The following AOPEP variants were observed in gnomAD, a reference collection of about 807,000 sequenced individuals.
AOPEP encodes aminopeptidase O.
A neutral mutation model predicts 98.1 loss-of-function variants in AOPEP; 77 were observed. The observed-to-expected ratio is 0.78, with a 90% CI of 0.65 to 0.95. The LOEUF is 0.95. Ranked by LOEUF, AOPEP falls within the 40% of genes least tolerant of loss-of-function variation. The pLI is 0.00. For missense variants in AOPEP, 1,024 were observed against 1,024.7 expected, an observed-to-expected ratio of 1.00 and a Z score of 0.01; for synonymous variants, 346 against 365.3, an observed-to-expected ratio of 0.95 and a Z score of 0.60.
chr9:94,895,235 AAAAT>A, intron 5 of AOPEP, among the ~76,000 whole-genome samples: 1 of 22,292 alleles, frequency 4.5e-5, no homozygotes, highest in South Asian at 1.9e-3. Context: ...AAAATAAAAT[AAAAT>A]AAAAAAAAAA....
intron 10 of AOPEP, among the ~76,000 whole-genome samples, chr9:94,976,623 G>A (rs2138605889): frequency 6.6e-6 from 1 of 150,864 alleles, no homozygotes; most frequent in East Asian, 1.9e-4. Context: ...TGGGAAAGGT[G>A]GAGACTTGTT....
intron 5 of AOPEP, among the ~76,000 whole-genome samples, chr9:94,898,999 C>T (rs971817129): frequency 4.3e-4 from 65 of 151,888 alleles, no homozygotes; most frequent in Non-Finnish European, 8.4e-4. Context: ...GGGAGAAGCT[C>T]CTTGGTATAA....
intron 3 of AOPEP, among the ~76,000 whole-genome samples, chr9:94,788,202 G>T (rs994549595): frequency 6.6e-6 from 1 of 151,898 alleles, no homozygotes; most frequent in African/African-American, 2.4e-5. Context: ...TCCCAAGTAC[G>T]TGGGATCACA....
At chr9:95,026,226 G>A (rs1651695596) in intron 13 of AOPEP, among the ~76,000 whole-genome samples, 2 of 152,078 alleles carry the variant, frequency 1.3e-5, no homozygotes, top group Non-Finnish European at 1.5e-5. Flanking sequence ...CGTAATTTAC[G>A]TGCCATAAAC....
At chr9:94,885,160 G>A (rs574277861) in intron 5 of AOPEP, among the ~76,000 whole-genome samples, 29 of 151,676 alleles carry the variant, frequency 1.9e-4, no homozygotes, top group African/African-American at 7.0e-4. Context: ...ACTAGCCTAG[G>A]CAACATGGAG....
chr9:95,089,907 C>T (rs769549442), downstream of AOPEP, among the ~76,000 whole-genome samples: 4 of 152,240 alleles, frequency 2.6e-5, no homozygotes, highest in Non-Finnish European at 4.4e-5. Flanking sequence ...AACAAGCCAG[C>T]GCCTCCACTG....
the AOPEP span, chr9:95,100,477 TACAC>T: frequency 4.3e-6 from 1 of 231,648 alleles, no homozygotes; most frequent in Non-Finnish European, 8.5e-6. Context: ...CTCAGACTAA[TACAC>T]ACAAATCAAA....
chr9:95,082,533 C>G (rs763947604), intron 15 of AOPEP, 42 bp from the exon 16 acceptor site: 12 of 1,606,364 alleles, frequency 7.5e-6, no homozygotes, highest in South Asian at 1.1e-5. Flanking sequence ...GTGTGGGTAC[C>G]CACACCTTCG....
chr9:95,115,681 A>T, the AOPEP span, among the ~76,000 whole-genome samples: 1 of 152,232 alleles, frequency 6.6e-6, no homozygotes, highest in African/African-American at 2.4e-5. Flanking sequence ...CGAACACACA[A>T]GGAAGGTAAG....
chr9:95,145,795 C>T, the AOPEP span, among the ~76,000 whole-genome samples: 2 of 152,158 alleles, frequency 1.3e-5, no homozygotes, highest in African/African-American at 2.4e-5. Flanking sequence ...GCTCCAGAGG[C>T]ACGCACCCTT....
At chr9:94,762,812 G>GT (rs1838665999) in intron 2 of AOPEP, among the ~76,000 whole-genome samples, 1 of 152,106 alleles carries the variant, frequency 6.6e-6, no homozygotes, top group African/African-American at 2.4e-5. Context: ...GTAACTGTTT[G>GT]GATATGTTAA....
intron 5 of AOPEP, among the ~76,000 whole-genome samples, chr9:94,842,416 A>G (rs936118457): frequency 4.6e-5 from 7 of 152,166 alleles, no homozygotes; most frequent in Non-Finnish European, 8.8e-5. Context: ...CTAAGTTTAT[A>G]AAAAAGAATG....
intron 13 of AOPEP, among the ~76,000 whole-genome samples, chr9:95,053,707 T>G (rs1291039035): frequency 1.3e-5 from 2 of 150,712 alleles, no homozygotes; most frequent in Non-Finnish European, 3.0e-5. Context: ...TTAATTCATT[T>G]TTGTTGTTGT....
At chr9:94,932,077 TC>T (rs2055417838) in intron 7 of AOPEP, 1 of 1,091,732 alleles carries the variant, frequency 9.2e-7, no homozygotes, top group South Asian at 4.3e-5. Flanking sequence ...GAAACTCTTC[TC>T]GGTTCCCTAT....
chr9:94,747,517 C>T (rs529360921), intron 1 of AOPEP, among the ~76,000 whole-genome samples: 6 of 151,912 alleles, frequency 3.9e-5, no homozygotes, highest in African/African-American at 1.4e-4. Context: ...ATTTTTACTT[C>T]GAGTAAAAGA....
chr9:94,777,524 T>A (rs368190703), intron 3 of AOPEP, among the ~76,000 whole-genome samples: 1 of 150,410 alleles, frequency 6.6e-6, no homozygotes, highest in Admixed American at 6.6e-5. Context: ...GGAAAATCAG[T>A]AGGACGAAGT....
the AOPEP span, among the ~76,000 whole-genome samples, chr9:95,093,679 C>T: frequency 5.3e-5 from 8 of 152,224 alleles, no homozygotes; most frequent in East Asian, 1.9e-4. Context: ...ACCCTGGCGC[C>T]GGCAAGCACG....
chr9:95,086,330 C>A, intron 16 of AOPEP: 1 of 985,428 alleles, frequency 1.0e-6, no homozygotes, highest in South Asian at 4.7e-5. Flanking sequence ...AGCAGGGGGC[C>A]GTTTGCCCCC....
chr9:95,099,805 C>T, the AOPEP span: 11 of 232,484 alleles, frequency 4.7e-5, no homozygotes, highest in African/African-American at 1.5e-4. Flanking sequence ...GCAGATGGGC[C>T]GAGGTCAGGG....
Sources: allele counts gnomAD v4.1 joint callset (sites outside exome capture counted in the v4.1 genomes callset), GRCh38; gene constraint gnomAD v4.1.1; transcripts MANE v1.5; gene names NCBI Gene and HGNC (gene_info 2026-07-23, HGNC 2026-07-21).